The following CHIC1 variants were observed in gnomAD, a reference collection of about 807,000 sequenced individuals.
CHIC1 encodes cysteine-rich hydrophobic domain-containing protein 1.
CHIC1 carries 7 observed loss-of-function variants against 18.5 expected under a neutral mutation model. The observed-to-expected ratio is 0.38, with a 90% CI of 0.22 to 0.71. CHIC1 has a LOEUF of 0.71. CHIC1 is among the 30% of genes least tolerant of loss of function. CHIC1 has a pLI of 0.49. For missense variants in CHIC1, 159 were observed against 176.9 expected (o/e 0.90, Z 0.57); for synonymous variants, 77 against 73.5 (o/e 1.05, Z -0.25).
At chrX:73,584,196 C>G (rs1345601413) in intron 2 of CHIC1, among the ~76,000 whole-genome samples, 1 of 110,980 alleles carries the variant, frequency 9.0e-6, no homozygotes, top group Non-Finnish European at 1.9e-5. Context: ...GTGGTCATTT[C>G]AGAAGATTGA....
intron 1 of CHIC1, among the ~76,000 whole-genome samples, chrX:73,572,819 A>G (rs1330580222): frequency 1.8e-5 from 2 of 110,773 alleles, no homozygotes; most frequent in African/African-American, 3.3e-5. Context: ...TGCCTATTGA[A>G]TTATTTAAAT....
intron 3 of CHIC1, among the ~76,000 whole-genome samples, chrX:73,644,164 G>A (rs1038700398): frequency 1.8e-5 from 2 of 112,171 alleles, no homozygotes; most frequent in African/African-American, 3.2e-5. Context: ...TATCAGCAGC[G>A]GTGGCTGCAG....
chrX:73,615,332 A>C (rs1474631290), intron 3 of CHIC1, among the ~76,000 whole-genome samples: 2 of 111,646 alleles, frequency 1.8e-5, no homozygotes, highest in Non-Finnish European at 3.8e-5. Context: ...GTCTCCAGTC[A>C]GGGTGCTTCA....
chrX:73,677,771 A>T (rs2058075755), intron 3 of CHIC1, among the ~76,000 whole-genome samples: 2 of 111,930 alleles, frequency 1.8e-5, no homozygotes, highest in Admixed American at 1.9e-4. Flanking sequence ...GGCCCTCCCC[A>T]GTGAGATGAA....
At chrX:73,623,316 C>CT (rs1402243512) in intron 3 of CHIC1, among the ~76,000 whole-genome samples, 25 of 110,628 alleles carry the variant, frequency 2.3e-4, no homozygotes, top group Non-Finnish European at 5.7e-5. Context: ...GTGTGGGAGT[C>CT]TAAGTCTCTT....
intron 1 of CHIC1, among the ~76,000 whole-genome samples, chrX:73,570,152 A>G (rs2147537651): frequency 9.0e-6 from 1 of 111,663 alleles, no homozygotes; most frequent in African/African-American, 3.2e-5. Context: ...AAAAGACAAC[A>G]TTTTGTTAAC....
chrX:73,574,590 T>C (rs1195772593), intron 1 of CHIC1, among the ~76,000 whole-genome samples: 7 of 110,526 alleles, frequency 6.3e-5, no homozygotes, highest in Non-Finnish European at 9.5e-5. Flanking sequence ...GTTTTATTTC[T>C]GATTCAATTT....
intron 3 of CHIC1, among the ~76,000 whole-genome samples, chrX:73,662,041 TAAA>T (rs1201565881): frequency 1.0e-5 from 1 of 98,773 alleles, no homozygotes; most frequent in African/African-American, 3.7e-5. Flanking sequence ...AGTATAATAA[TAAA>T]AAAATAAATA....
intron 3 of CHIC1, among the ~76,000 whole-genome samples, chrX:73,665,907 C>CA (rs764709112): frequency 1.8e-5 from 2 of 111,823 alleles, no homozygotes; most frequent in Admixed American, 1.9e-4. Context: ...GATTTAATGA[C>CA]AAAGGCTTTG....
Position 73,663,822 on chromosome X carries a change from A to G in CHIC1, c.508-15504A>G, listed in dbSNP as rs1159243703. On this transcript the variant is annotated intron_variant, in intron 3 of 5. Transcript: ENST00000373502. ...AGTACAGTAAAGTATTAACTGAGCT[A>G]TCTTTGATCCAGGGGAAAGGATATG... Among the ~76,000 whole-genome samples the G allele has an allele frequency of 4.5e-5, 5 of 111,027 alleles. No homozygotes were observed. In the East Asian group the frequency reaches 1.1e-3, roughly 25 times the overall value.
intron 3 of CHIC1, among the ~76,000 whole-genome samples, chrX:73,591,026 T>C (rs2057579140): frequency 9.0e-6 from 1 of 111,574 alleles, no homozygotes; most frequent in African/African-American, 3.2e-5. Flanking sequence ...TCTTGCAAAG[T>C]CGCTGTGCCA....
intron 3 of CHIC1, among the ~76,000 whole-genome samples, chrX:73,601,289 A>G (rs2057647504): frequency 9.5e-6 from 1 of 105,281 alleles, no homozygotes; most frequent in South Asian, 4.3e-4. Context: ...ACCTATTCCA[A>G]AATTGACCAC....
At chrX:73,675,908 C>T (rs1004759133) in intron 3 of CHIC1, among the ~76,000 whole-genome samples, 79 of 110,070 alleles carry the variant, frequency 7.2e-4, no homozygotes, top group African/African-American at 2.3e-3. Context: ...CCATCAGGAG[C>T]TCTTTTAGGG....
intron 3 of CHIC1, among the ~76,000 whole-genome samples, chrX:73,612,600 T>C (rs1472440421): frequency 3.6e-5 from 4 of 111,991 alleles, no homozygotes; most frequent in Non-Finnish European, 7.5e-5. Context: ...TTAATTTCCA[T>C]GTATTTGCAG....
At chrX:73,668,794 G>A (rs913464694) in intron 3 of CHIC1, among the ~76,000 whole-genome samples, 7 of 112,413 alleles carry the variant, frequency 6.2e-5, no homozygotes, top group Admixed American at 3.8e-4. Flanking sequence ...CTGGAGACCC[G>A]TTTGGTGGTC....
chrX:73,607,979 T>C (rs2057690941), intron 3 of CHIC1, among the ~76,000 whole-genome samples: 1 of 109,090 alleles, frequency 9.2e-6, no homozygotes, highest in African/African-American at 3.6e-5. Flanking sequence ...TTAGAAATCA[T>C]AGCAAAATCC....
At chrX:73,631,353 G>A (rs894859336) in intron 3 of CHIC1, among the ~76,000 whole-genome samples, 5 of 110,850 alleles carry the variant, frequency 4.5e-5, no homozygotes, top group African/African-American at 6.6e-5. Context: ...TAGGCTGGGC[G>A]TAGTGGCTCA....
At chrX:73,676,779 C>T (rs1465112444) in intron 3 of CHIC1, among the ~76,000 whole-genome samples, 1 of 112,100 alleles carries the variant, frequency 8.9e-6, no homozygotes, top group East Asian at 2.8e-4. Flanking sequence ...TGGTGAGGAG[C>T]TGCGTTCCTT....
intron 3 of CHIC1, among the ~76,000 whole-genome samples, chrX:73,609,719 A>T (rs1276079251): frequency 9.1e-6 from 1 of 109,775 alleles, no homozygotes; most frequent in African/African-American, 3.5e-5. Flanking sequence ...TACATATAAT[A>T]TTTTGTAACA....
Sources: gnomAD v4.1 joint callset for allele counts (sites outside exome capture counted in the v4.1 genomes callset) on GRCh38, gnomAD v4.1.1 for gene constraint, MANE v1.5 for transcripts, NCBI Gene and HGNC (gene_info 2026-07-23, HGNC 2026-07-21) for gene names.